NCAPD3: variants seen among roughly 807,000 people sequenced by gnomAD.
The protein encoded by NCAPD3 is non-SMC condensin II complex subunit D3, also known as condensin-2 complex subunit D3.
NCAPD3 carries 105 observed loss-of-function variants against 182.9 expected under a neutral mutation model. The observed-to-expected ratio is 0.57, with a 90% CI of 0.49 to 0.68. The LOEUF is 0.68. NCAPD3 is among the 30% of genes least tolerant of loss of function. The pLI is 0.00. For missense variants in NCAPD3, 1,944 were observed against 1,837.0 expected, an observed-to-expected ratio of 1.06 and a Z score of -1.07; for synonymous variants, 815 against 679.9, an observed-to-expected ratio of 1.20 and a Z score of -3.09.
intron 13 of NCAPD3, among the ~76,000 whole-genome samples, chr11:134,198,543 T>C (rs1051881018): frequency 6.6e-6 from 1 of 152,192 alleles, no homozygotes; most frequent in African/African-American, 2.4e-5. Flanking sequence ...CGGGCCATGG[T>C]CACTCACATT....
At chr11:134,202,652 A>G (rs1397808493) in intron 13 of NCAPD3, among the ~76,000 whole-genome samples, 164 bp downstream of exon 13, 1 of 151,282 alleles carries the variant, frequency 6.6e-6, no homozygotes, top group Non-Finnish European at 1.5e-5. Flanking sequence ...AAGTGCTGGG[A>G]TTATGGGATT....
chr11:134,178,731 A>G lies in NCAPD3; in HGVS notation c.2685T>C (p.Ser895=), dbSNP rs1419282607. ...SSADADHSPS[S]QGSSEAPASQ... is the part of the protein sequence containing the mutation. ...ACGCTGGGGCCTCACTGCTGCCTTG[A>G]GATGATGGTGCTGCAAAGAAGGGAG... is the stretch of plus-strand genomic sequence containing the variant. Residue 895 remains serine, a synonymous_variant, in exon 22 of 35, where the codon TCT becomes TCC. Transcript: ENST00000534548. The G allele has an allele frequency of 6.2e-7, 1 of 1,608,578 alleles. No individual in the cohort carries two copies. The highest frequency in any genetic ancestry group is 2.2e-5 in the East Asian group (1 of 44,750).
At chr11:134,172,361 T>C (rs1233188278) in intron 24 of NCAPD3, among the ~76,000 whole-genome samples, 1 of 152,222 alleles carries the variant, frequency 6.6e-6, no homozygotes, top group Non-Finnish European at 1.5e-5. Flanking sequence ...GTTGCCACAC[T>C]GGAGATCAAC....
Position 134,219,659 on chromosome 11 carries a change from T to G in NCAPD3, c.219+913A>C, listed in dbSNP as rs571340536. On this transcript the variant is annotated intron_variant, in intron 2 of 34. Transcript: ENST00000534548. ...TAGCTTTTGTTCTGTTTCCCAACCC[T>G]TTGGTTTTTTTTGAAAACTAACAAC... 2.0e-5 allele frequency among the ~76,000 whole-genome samples: 3 copies of G among 152,342 alleles called. No homozygotes were observed. In the South Asian group the frequency reaches 6.2e-4, roughly 32 times the overall value.
At chr11:134,177,003 C>T (rs899737270) in intron 23 of NCAPD3, among the ~76,000 whole-genome samples, 1 of 152,216 alleles carries the variant, frequency 6.6e-6, no homozygotes, top group African/African-American at 2.4e-5. Flanking sequence ...CACTGCTTGA[C>T]AGGATGTCTG....
chr11:134,206,866 A>G (rs2136015692), intron 7 of NCAPD3, 134 bp from the exon 8 acceptor site: 1 of 795,502 alleles, frequency 1.3e-6, no homozygotes, highest in Non-Finnish European at 1.9e-6. Context: ...CTGGCTGAAC[A>G]CTAGGGATAT....
intron 28 of NCAPD3, among the ~76,000 whole-genome samples, chr11:134,160,672 C>A (rs1943552051): frequency 6.6e-6 from 1 of 152,138 alleles, no homozygotes; most frequent in Non-Finnish European, 1.5e-5. Flanking sequence ...GGGGCAAGAC[C>A]ACTTTGCTAA....
intron 32 of NCAPD3, 44 bp downstream of exon 32, chr11:134,156,974 G>A (rs774488428): frequency 6.6e-7 from 1 of 1,507,380 alleles, no homozygotes; most frequent in Non-Finnish European, 9.2e-7. Context: ...CACGAATGCA[G>A]GAGAGACTGA....
In NCAPD3 at chr11:134,178,620, C is replaced by T. The variant is rs111488634; in HGVS notation, c.2782+14G>A. On this transcript the variant is annotated intron_variant, in intron 22 of 34. Coordinates refer to ENST00000534548, the MANE Select transcript of NCAPD3 (RefSeq NM_015261.3). ...AGAACGATGTCAAGCCCCATTCTCCCATGTTTTTCTTACCTAAGGTAATGA... is the reference window on the plus strand; with the variant it reads ...AGAACGATGTCAAGCCCCATTCTCCTATGTTTTTCTTACCTAAGGTAATGA... The T allele has an allele frequency of 4.0e-6, 6 of 1,517,358 alleles. No homozygotes were observed. In the African/African-American group the frequency reaches 4.2e-5, roughly 11 times the overall value. 94.0% of individuals were successfully genotyped at this position (1,517,358 alleles called of 1,614,324 possible). A position where few individuals can be genotyped will look rare whatever the true frequency, so the allele number is the denominator to read the frequency against.
At chr11:134,206,802 G>T in intron 7 of NCAPD3, 70 bp from the exon 8 acceptor site, 1 of 1,497,718 alleles carries the variant, frequency 6.7e-7, no homozygotes, top group South Asian at 1.3e-5. Flanking sequence ...TAGTGATGCA[G>T]ACTGTAGTAA....
chr11:134,222,838 TAC>T (rs1938284823), intron 1 of NCAPD3, among the ~76,000 whole-genome samples: 1 of 152,234 alleles, frequency 6.6e-6, no homozygotes, highest in African/African-American at 2.4e-5. Context: ...ACAAAATTGT[TAC>T]AGTGTTTGCT....
At chr11:134,189,670 T>C (rs1944484419) in intron 16 of NCAPD3, among the ~76,000 whole-genome samples, 1 of 152,230 alleles carries the variant, frequency 6.6e-6, no homozygotes, top group Admixed American at 6.5e-5. Flanking sequence ...TAATCAATTT[T>C]TATAAATGGT....
At chr11:134,184,014 G>A (rs1342975694) in intron 19 of NCAPD3, among the ~76,000 whole-genome samples, 3 of 152,142 alleles carry the variant, frequency 2.0e-5, no homozygotes, top group Non-Finnish European at 4.4e-5. Context: ...GATAAAAACA[G>A]AATAAATATA....
At chr11:134,199,365 G>A (rs1024974588) in intron 13 of NCAPD3, among the ~76,000 whole-genome samples, 17 of 151,936 alleles carry the variant, frequency 1.1e-4, no homozygotes, top group East Asian at 5.8e-4. Context: ...CTTTACACAC[G>A]GGGTCTCTGG....
intron 3 of NCAPD3, among the ~76,000 whole-genome samples, chr11:134,215,603 C>A (rs948577066): frequency 2.0e-5 from 3 of 152,038 alleles, no homozygotes; most frequent in Non-Finnish European, 4.4e-5. Context: ...GCAAGAGTTG[C>A]GCACCAAAAA....
rs566984914 is a variant in NCAPD3, at chr11:134,160,254, T to C, written c.3685-180A>G. On this transcript the variant is annotated intron_variant, in intron 28 of 34. Transcript: ENST00000534548. ...CCAAGTCATGTTGCTTGATAAATCA[T>C]AGGAACAATAGGACTGACATTACTG... Among the ~76,000 whole-genome samples, 4 of 152,260 alleles carry C rather than the reference T, an allele frequency of 2.6e-5. No individual in the cohort carries two copies. The South Asian group carries it at 6.2e-4, about 24-fold the overall frequency.
chr11:134,151,436 T>G lies in NCAPD3; in HGVS notation c.*1508A>C, dbSNP rs1006072814. ...GCTCCAGCCTCCTTCTTGGTTGTCATAGTGATAGGGTAGCCTTATTGCCCC... is the reference window on the plus strand; with the variant it reads ...GCTCCAGCCTCCTTCTTGGTTGTCAGAGTGATAGGGTAGCCTTATTGCCCC... On this transcript the variant is annotated 3_prime_UTR_variant, in exon 35 of 35. Transcript: ENST00000534548. 1.3e-5 allele frequency: 2 copies of G among 152,192 alleles called. No homozygotes were observed. The highest frequency in any genetic ancestry group is 4.1e-4 in the South Asian group (2 of 4,830). The allele number at this position is 152,192 out of a possible 1,614,324, so 9.4% of individuals were successfully genotyped here.
At chr11:134,177,555 A>C in intron 22 of NCAPD3, 98 bp from the exon 23 acceptor site, 4 of 1,061,174 alleles carry the variant, frequency 3.8e-6, no homozygotes, top group South Asian at 1.5e-5. Context: ...CTTCTATTTC[A>C]TCAAAGTTAA....
Position 134,177,287 on chromosome 11 carries a change from T to A in NCAPD3, c.2953A>T (p.Met985Leu), listed in dbSNP as rs1251857636. 6.2e-7 allele frequency: 1 copy of A among 1,614,022 alleles called. No homozygotes were observed. Among genetic ancestry groups the A allele is most frequent in the Non-Finnish European group, 8.5e-7 (1 of 1,179,894 alleles). Residue 985 changes from methionine (M) to leucine (L), a missense_variant, in exon 23 of 35, where the codon ATG (methionine) becomes TTG (leucine). Met to Leu is a conservative substitution (Grantham distance 15). Around this residue, in one of 3 missense-constraint regions of NCAPD3, gnomAD observed 1,803 missense variants for 1,674.6 expected, o/e 1.08. Coordinates refer to ENST00000534548, the MANE Select transcript of NCAPD3 (RefSeq NM_015261.3). Reference protein sequence around the residue: ...MVDKYIPNISMCLKDSDPFIR... With the variant: ...MVDKYIPNISLCLKDSDPFIR... ...AATGGGTCGGAATCCTTCAGACACA[T>A]GGAGATGTTGGGAATATACTTGTCC... is the stretch of plus-strand genomic sequence containing the variant.
Sources: allele counts gnomAD v4.1 joint callset (sites outside exome capture counted in the v4.1 genomes callset), GRCh38; gene constraint gnomAD v4.1.1; regional missense constraint gnomAD v4.1.1; transcripts MANE v1.5; gene names NCBI Gene and HGNC (gene_info 2026-07-23, HGNC 2026-07-21).